Variants in FLT3 observed in about 807,000 individuals in gnomAD.
FLT3 encodes the protein fms related receptor tyrosine kinase 3.
A neutral mutation model predicts 126.6 loss-of-function variants in FLT3; 46 were observed. The observed-to-expected ratio is 0.36, with a 90% CI of 0.29 to 0.46. The LOEUF (loss-of-function observed/expected upper bound fraction) is 0.46. Among genes scored for constraint, FLT3 ranks in the 20% least tolerant of loss-of-function variants. The pLI, the probability that FLT3 is intolerant of heterozygous loss-of-function variation, is 1.00. For missense variants in FLT3, 1,069 were observed against 1,190.3 expected (o/e 0.90, Z 1.50); for synonymous variants, 404 against 434.4 (o/e 0.93, Z 0.87).
intron 20 of FLT3, among the ~76,000 whole-genome samples, chr13:28,017,656 T>TTTG (rs932525644): frequency 2.0e-5 from 3 of 147,160 alleles, no homozygotes; most frequent in African/African-American, 5.1e-5. Flanking sequence ...CACTGTTTTT[T>TTTG]TTGTTGTTGT....
chr13:28,099,226 G>GA (rs1423680469), intron 1 of FLT3, among the ~76,000 whole-genome samples: 2 of 152,098 alleles, frequency 1.3e-5, no homozygotes, highest in African/African-American at 2.4e-5. Flanking sequence ...TTATGCTTCT[G>GA]AAAAATGCAC....
intron 23 of FLT3, among the ~76,000 whole-genome samples, chr13:28,012,059 G>A (rs1330222663): frequency 6.6e-6 from 1 of 152,124 alleles, no homozygotes; most frequent in African/African-American, 2.4e-5. Flanking sequence ...CTCCCAAAGT[G>A]CTGGGATTAC....
At chr13:28,053,640 A>AT (rs1468097178) in intron 4 of FLT3, among the ~76,000 whole-genome samples, 7 of 152,036 alleles carry the variant, frequency 4.6e-5, no homozygotes, top group African/African-American at 1.7e-4. Context: ...CAATATATTG[A>AT]TTTTTTCATT....
At chr13:28,060,596 A>ATACTT (rs1876460250) in intron 3 of FLT3, among the ~76,000 whole-genome samples, 1 of 7,450 alleles carries the variant, frequency 1.3e-4, no homozygotes, top group South Asian at 0.023. Context: ...TTAACTTAAT[A>ATACTT]GACTTGTTTC....
chr13:28,010,588 T>C (rs1871268547), intron 23 of FLT3, among the ~76,000 whole-genome samples: 1 of 152,242 alleles, frequency 6.6e-6, no homozygotes, highest in Non-Finnish European at 1.5e-5. Flanking sequence ...GTGATCTCCC[T>C]GATCTAATCC....
intron 9 of FLT3, among the ~76,000 whole-genome samples, chr13:28,044,954 T>C (rs1419358849): frequency 6.6e-6 from 1 of 152,208 alleles, no homozygotes; most frequent in Non-Finnish European, 1.5e-5. Flanking sequence ...TATGGCAGCA[T>C]ACCTATTCTT....
At chr13:28,023,794 G>A (rs1872594226) in intron 18 of FLT3, among the ~76,000 whole-genome samples, 1 of 131,870 alleles carries the variant, frequency 7.6e-6, no homozygotes, top group East Asian at 2.1e-4. Flanking sequence ...AATATTAATT[G>A]TCTATCCCTT....
chr13:28,004,998 TA>T (rs2137580657), intron 23 of FLT3, among the ~76,000 whole-genome samples: 1 of 152,310 alleles, frequency 6.6e-6, no homozygotes, highest in African/African-American at 2.4e-5. Context: ...AATATGAAGT[TA>T]ACATGCATTC....
At chr13:28,007,991 C>CCT (rs774616707) in intron 23 of FLT3, among the ~76,000 whole-genome samples, 5 of 151,986 alleles carry the variant, frequency 3.3e-5, no homozygotes, top group African/African-American at 1.2e-4. Context: ...TTTTCCTCCT[C>CCT]CTCTCTCTCT....
intron 3 of FLT3, among the ~76,000 whole-genome samples, chr13:28,060,109 A>G (rs964189225): frequency 6.1e-5 from 9 of 148,746 alleles, no homozygotes; most frequent in African/African-American, 2.2e-4. Context: ...AAAAATCCCA[A>G]ATAGACCCAG....
chr13:28,093,543 G>A (rs1214939682), intron 1 of FLT3, among the ~76,000 whole-genome samples: 2 of 151,994 alleles, frequency 1.3e-5, no homozygotes, highest in Non-Finnish European at 2.9e-5. Flanking sequence ...TAATCCTGGC[G>A]ACCTTATACA....
rs113629845 is a variant in FLT3 at position 28,091,490 on chromosome 13, G to A, written c.43+8978C>T. ...CCCGCCTCGGCCTCCCAAAGTGCTGGGATTACAGGCGTGAGCCACCGCGCC... is the reference window on the plus strand; with the variant it reads ...CCCGCCTCGGCCTCCCAAAGTGCTGAGATTACAGGCGTGAGCCACCGCGCC... On this transcript the variant is annotated intron_variant, in intron 1 of 23. Transcript: ENST00000241453. Among the ~76,000 whole-genome samples, 403 of 151,648 alleles carry A rather than the reference G, an allele frequency of 2.7e-3. 9 individuals carry two copies. Among genetic ancestry groups the A allele is most frequent in the East Asian group, 0.025 (128 of 5,106 alleles).
At chr13:28,028,588 T>C (rs1454171535) in intron 15 of FLT3, among the ~76,000 whole-genome samples, 1 of 151,936 alleles carries the variant, frequency 6.6e-6, no homozygotes, top group African/African-American at 2.4e-5. Context: ...TCCCAGCTAC[T>C]TGGGAGGATG....
chr13:28,003,855 C>G lies in FLT3; in HGVS notation c.*197G>C. The G allele has an allele frequency of 1.6e-6, 1 of 615,554 alleles. No homozygotes were observed. Among genetic ancestry groups the G allele is most frequent in the South Asian group, 2.1e-5 (1 of 48,544 alleles). 38.1% of individuals were successfully genotyped at this position (615,554 alleles called of 1,614,324 possible). On this transcript the variant is annotated 3_prime_UTR_variant, in exon 24 of 24. Coordinates refer to ENST00000241453, the MANE Select transcript of FLT3 (RefSeq NM_004119.3). ...AAAGTTCATTATCAGCTCCTCCTGC[C>G]TTGTGACAGGATGATTTGATTTTAC...
chr13:28,027,725 G>A (rs1872935645), intron 16 of FLT3, among the ~76,000 whole-genome samples: 1 of 152,220 alleles, frequency 6.6e-6, no homozygotes, highest in Non-Finnish European at 1.5e-5. Flanking sequence ...TTTCTAGGCA[G>A]AAGAGAGAAG....
At chr13:28,021,070 T>C (rs1440495959) in intron 19 of FLT3, among the ~76,000 whole-genome samples, 1 of 152,088 alleles carries the variant, frequency 6.6e-6, no homozygotes, top group East Asian at 1.9e-4. Context: ...CCAGACAATC[T>C]AAGTAGGTGT....
intron 17 of FLT3, among the ~76,000 whole-genome samples, chr13:28,025,654 G>A (rs917696694): frequency 2.1e-4 from 32 of 152,164 alleles, no homozygotes; most frequent in Non-Finnish European, 4.1e-4. Context: ...ACGAATCAAA[G>A]GGGCTAAGTA....
chr13:28,014,377 C>G, intron 23 of FLT3, 75 bp downstream of exon 23: 1 of 1,106,722 alleles, frequency 9.0e-7, no homozygotes. Context: ...CTTTGGTTCA[C>G]AGGAAGACAG....
At chr13:28,026,936 G>C (rs1267729533) in intron 17 of FLT3, 152 bp downstream of exon 17, 2 of 683,410 alleles carry the variant, frequency 2.9e-6, no homozygotes, top group East Asian at 5.1e-5. Context: ...TGTCAACAGG[G>C]AAACTATAGC....
Sources: gnomAD v4.1 joint callset for allele counts (sites outside exome capture counted in the v4.1 genomes callset) on GRCh38, gnomAD v4.1.1 for gene constraint, MANE v1.5 for transcripts, NCBI Gene and HGNC (gene_info 2026-07-23, HGNC 2026-07-21) for gene names.